Variants in BICRAL observed in about 807,000 individuals in gnomAD.
The protein encoded by BICRAL is BICRA like chromatin remodeling complex associated protein.
BICRAL carries 8 observed loss-of-function variants against 91.8 expected under a neutral mutation model. The observed-to-expected ratio is 0.09, with a 90% CI of 0.05 to 0.16. The LOEUF (loss-of-function observed/expected upper bound fraction) is 0.16, where lower values mean the gene tolerates loss of function less well. Ranked by LOEUF, BICRAL falls within the 10% of genes least tolerant of loss-of-function variation. BICRAL has a pLI of 1.00. For synonymous variants in BICRAL, 445 were observed against 491.1 expected (o/e 0.91, Z 1.24); for missense variants, 1,038 against 1,310.9 (o/e 0.79, Z 3.21).
intron 2 of BICRAL, among the ~76,000 whole-genome samples, chr6:42,814,519 A>ATATATATATATAT (rs1237976324): frequency 1.5e-4 from 12 of 80,210 alleles, no homozygotes; most frequent in African/African-American, 7.9e-4. Flanking sequence ...ATATATATAT[A>ATATATATATATAT]TTTTTTTTTT....
rs542326077 is a variant in BICRAL at position 42,815,069 on chromosome 6, C to G, written c.-6+4668C>G. ...GGATTACAGGCACGCACCACCACGC[C>G]TGGCTCATTTTTTTTGTATTTTTAG... On this transcript the variant is annotated intron_variant, in intron 2 of 12. Transcript: ENST00000314073. Among the ~76,000 whole-genome samples, 5 of 150,902 alleles carry G rather than the reference C, an allele frequency of 3.3e-5. No homozygotes were observed. In the East Asian group the frequency reaches 9.8e-4, roughly 30 times the overall value.
chr6:42,812,105 A>G (rs1252813585), intron 2 of BICRAL, among the ~76,000 whole-genome samples: 1 of 152,214 alleles, frequency 6.6e-6, no homozygotes, highest in Non-Finnish European at 1.5e-5. Context: ...GGGACCAACC[A>G]CAACAACAAA....
chr6:42,841,600 G>A (rs1205745818), intron 6 of BICRAL, among the ~76,000 whole-genome samples: 3 of 152,072 alleles, frequency 2.0e-5, no homozygotes, highest in Admixed American at 6.6e-5. Context: ...ATTTTCAGAC[G>A]TCTGGACTTA....
chr6:42,839,269 T>C (rs571853929), intron 6 of BICRAL, among the ~76,000 whole-genome samples: 5 of 152,148 alleles, frequency 3.3e-5, no homozygotes, highest in African/African-American at 1.2e-4. Flanking sequence ...TGTGAACTCA[T>C]AGGGATCATT....
At chr6:42,860,538 C>G (rs1005718392) in intron 11 of BICRAL, among the ~76,000 whole-genome samples, 182 bp downstream of exon 11, 1 of 152,222 alleles carries the variant, frequency 6.6e-6, no homozygotes, top group African/African-American at 2.4e-5. Context: ...CTGTACTTTA[C>G]TTGGTGGGTC....
At chr6:42,799,624 A>C (rs1562467549) in intron 1 of BICRAL, among the ~76,000 whole-genome samples, 2 of 152,172 alleles carry the variant, frequency 1.3e-5, no homozygotes, top group Non-Finnish European at 2.9e-5. Flanking sequence ...AGAAGTGTTC[A>C]TCTTCTCCAA....
chr6:42,857,459 A>G (rs1013058653), intron 10 of BICRAL, among the ~76,000 whole-genome samples: 4 of 151,714 alleles, frequency 2.6e-5, no homozygotes, highest in Non-Finnish European at 5.9e-5. Context: ...GTAGGGGCAC[A>G]CACCTGTAGT....
Position 42,851,776 on chromosome 6 carries a change from T to C in BICRAL, c.1840-316T>C, listed in dbSNP as rs546859365. Among the ~76,000 whole-genome samples, 3 of 151,876 alleles carry C rather than the reference T, an allele frequency of 2.0e-5. No homozygotes were observed. In the East Asian group the frequency reaches 5.8e-4, roughly 29 times the overall value. ...AGGCAGGATATAAGGTTACTGGGGG[T>C]AGAAATTCCCAGCTGCAGCTTTTTC... On this transcript the variant is annotated intron_variant, in intron 6 of 12. Transcript: ENST00000314073.
chr6:42,827,028 C>T (rs1244051946), intron 5 of BICRAL, among the ~76,000 whole-genome samples: 1 of 152,136 alleles, frequency 6.6e-6, no homozygotes, highest in African/African-American at 2.4e-5. Flanking sequence ...TCAGGTGATC[C>T]GCCCGCCTCA....
Position 42,863,672 on chromosome 6 carries a change from C to T in BICRAL, c.2453-987C>T, listed in dbSNP as rs562325557. Among the ~76,000 whole-genome samples, 69 of 152,278 alleles carry T rather than the reference C, an allele frequency of 4.5e-4. No homozygotes were observed. In the South Asian group the frequency reaches 0.014, roughly 31 times the overall value. On this transcript the variant is annotated intron_variant, in intron 12 of 12. Coordinates refer to ENST00000314073, the MANE Select transcript of BICRAL (RefSeq NM_001393499.1). ...CTCTAAGGAAGAAACCAGGCTGACA[C>T]CAGGAACTAATTTCTGTTTTCAGAC...
chr6:42,800,953 T>G (rs531232913), intron 1 of BICRAL, among the ~76,000 whole-genome samples: 22 of 152,220 alleles, frequency 1.4e-4, no homozygotes, highest in Non-Finnish European at 2.8e-4. Flanking sequence ...ATACTGATGC[T>G]TAATAAAAGA....
At chr6:42,772,889 C>T (rs1033796905) in intron 1 of BICRAL, among the ~76,000 whole-genome samples, 1 of 152,054 alleles carries the variant, frequency 6.6e-6, no homozygotes, top group Non-Finnish European at 1.5e-5. Context: ...GCTTCACCTC[C>T]GCCCTGTGAA....
intron 1 of BICRAL, among the ~76,000 whole-genome samples, chr6:42,788,605 CAAAG>C (rs924459286): frequency 3.9e-5 from 6 of 152,088 alleles, no homozygotes; most frequent in Non-Finnish European, 8.8e-5. Flanking sequence ...TGGCAGAAGA[CAAAG>C]AATGGGGGCA....
intron 6 of BICRAL, among the ~76,000 whole-genome samples, chr6:42,840,542 G>C (rs1299849004): frequency 6.8e-6 from 1 of 146,420 alleles, no homozygotes; most frequent in East Asian, 2.1e-4. Flanking sequence ...CACCCTGCCT[G>C]TTTTTGTTTT....
chr6:42,791,900 C>T (rs963851903), intron 1 of BICRAL, among the ~76,000 whole-genome samples: 6 of 152,212 alleles, frequency 3.9e-5, no homozygotes, highest in Non-Finnish European at 5.9e-5. Flanking sequence ...GTATAACCTA[C>T]CACACACCTA....
intron 1 of BICRAL, among the ~76,000 whole-genome samples, chr6:42,793,911 G>A (rs1429827615): frequency 1.3e-5 from 2 of 151,258 alleles, no homozygotes; most frequent in South Asian, 4.2e-4. Flanking sequence ...TTGTATTTTT[G>A]TAGAGACAGG....
intron 1 of BICRAL, among the ~76,000 whole-genome samples, chr6:42,758,540 C>T (rs1261503423): frequency 6.6e-6 from 1 of 152,164 alleles, no homozygotes; most frequent in Non-Finnish European, 1.5e-5. Context: ...TGGGCTCCCT[C>T]AGAGCTCAGA....
intron 5 of BICRAL, among the ~76,000 whole-genome samples, chr6:42,826,889 T>A (rs1366157693): frequency 2.0e-5 from 3 of 152,058 alleles, no homozygotes; most frequent in Non-Finnish European, 4.4e-5. Flanking sequence ...CAGATTCAAG[T>A]GATTCTCCTC....
chr6:42,864,590 C>A, intron 12 of BICRAL, 69 bp from the exon 13 acceptor site: 1 of 1,324,982 alleles, frequency 7.5e-7, no homozygotes, highest in Non-Finnish European at 1.1e-6. Flanking sequence ...ACCTGACCCA[C>A]TGAAGTTCTG....
Sources: gnomAD v4.1 joint callset for allele counts (sites outside exome capture counted in the v4.1 genomes callset) on GRCh38, gnomAD v4.1.1 for gene constraint, MANE v1.5 for transcripts, NCBI Gene and HGNC (gene_info 2026-07-23, HGNC 2026-07-21) for gene names.